The following PTK2 variants were observed in gnomAD, a reference collection of about 807,000 sequenced individuals.
PTK2 encodes the protein protein tyrosine kinase 2, also known as focal adhesion kinase 1.
A neutral mutation model predicts 150.1 loss-of-function variants in PTK2; 45 were observed. That is an observed-to-expected ratio of 0.30 (90% CI 0.24 to 0.38). PTK2 has a LOEUF of 0.38. Among genes scored for constraint, PTK2 ranks in the 10% least tolerant of loss-of-function variants. The pLI is 1.00. For missense variants in PTK2, 919 were observed against 1,307.3 expected (o/e 0.70, Z 4.58); for synonymous variants, 432 against 449.2 (o/e 0.96, Z 0.48).
chr8:140,891,362 T>C (rs1044737800), intron 2 of PTK2, among the ~76,000 whole-genome samples: 6 of 152,138 alleles, frequency 3.9e-5, no homozygotes, highest in African/African-American at 1.4e-4. Context: ...ATAAAGGACT[T>C]CTATTTGAGT....
intron 17 of PTK2, among the ~76,000 whole-genome samples, chr8:140,747,856 TATGTG>T (rs1415252263): frequency 6.6e-6 from 1 of 151,958 alleles, no homozygotes; most frequent in East Asian, 1.9e-4. Flanking sequence ...CCTATGGACA[TATGTG>T]ACCTTGGGGT....
chr8:140,671,253 G>A (rs1388191288), intron 29 of PTK2, among the ~76,000 whole-genome samples: 3 of 152,040 alleles, frequency 2.0e-5, no homozygotes, highest in South Asian at 2.1e-4. Context: ...GCAGAATCTC[G>A]CTCTGTCGCC....
chr8:140,878,866 G>C (rs2100147240), intron 4 of PTK2, among the ~76,000 whole-genome samples: 1 of 149,866 alleles, frequency 6.7e-6, no homozygotes, highest in Non-Finnish European at 1.5e-5. Context: ...AAAAAAATTA[G>C]TAGGGGAGAC....
intron 1 of PTK2, among the ~76,000 whole-genome samples, chr8:140,950,981 T>TA (rs1003327415): frequency 6.6e-6 from 1 of 151,964 alleles, no homozygotes; most frequent in Non-Finnish European, 1.5e-5. Context: ...AATATATATA[T>TA]TTTTTTAAGT....
At chr8:140,660,083 G>A (rs973129108) in intron 31 of PTK2, among the ~76,000 whole-genome samples, 5 of 151,752 alleles carry the variant, frequency 3.3e-5, no homozygotes, top group Non-Finnish European at 4.4e-5. Flanking sequence ...TGTGCATGCC[G>A]ATTCACACAT....
At chr8:140,946,328 AAAAT>A (rs1343602513) in intron 1 of PTK2, among the ~76,000 whole-genome samples, 3 of 152,362 alleles carry the variant, frequency 2.0e-5, no homozygotes, top group East Asian at 1.9e-4. Flanking sequence ...TTTAAAAGTC[AAAAT>A]AATTAAAAAC....
intron 29 of PTK2, among the ~76,000 whole-genome samples, chr8:140,672,568 C>T (rs1190023997): frequency 6.6e-6 from 1 of 152,190 alleles, no homozygotes. Flanking sequence ...GGTACTTTCA[C>T]TATGGCCACA....
chr8:140,741,978 T>C (rs1481160469), intron 20 of PTK2, among the ~76,000 whole-genome samples: 1 of 150,802 alleles, frequency 6.6e-6, no homozygotes, highest in Non-Finnish European at 1.5e-5. Flanking sequence ...ACTCCATCTC[T>C]ACAAAAAATT....
chr8:140,927,671 T>C (rs1028483448), intron 1 of PTK2, among the ~76,000 whole-genome samples: 2 of 152,038 alleles, frequency 1.3e-5, no homozygotes, highest in Non-Finnish European at 2.9e-5. Context: ...ATACTCTGTA[T>C]CAGGCCAGGC....
intron 23 of PTK2, among the ~76,000 whole-genome samples, chr8:140,709,334 T>C (rs551424180): frequency 6.6e-6 from 1 of 152,222 alleles, no homozygotes; most frequent in East Asian, 1.9e-4. Context: ...CATTTCAAAA[T>C]AAAAATAAAA....
intron 1 of PTK2, among the ~76,000 whole-genome samples, chr8:140,986,226 C>G (rs1033688509): frequency 6.6e-6 from 1 of 152,202 alleles, no homozygotes; most frequent in Non-Finnish European, 1.5e-5. Flanking sequence ...CTTCGCTTAA[C>G]TGTAATTAAT....
chr8:140,901,169 T>C (rs959312145), intron 2 of PTK2, among the ~76,000 whole-genome samples: 10 of 152,144 alleles, frequency 6.6e-5, no homozygotes, highest in African/African-American at 2.4e-4. Flanking sequence ...GAAATGATAG[T>C]TCCTTTAATA....
chr8:140,784,151 T>TG (rs1379719371), intron 14 of PTK2, among the ~76,000 whole-genome samples: 1 of 151,912 alleles, frequency 6.6e-6, no homozygotes, highest in African/African-American at 2.4e-5. Flanking sequence ...GGTGACAAAG[T>TG]GGGGGGAAAA....
intron 2 of PTK2, among the ~76,000 whole-genome samples, chr8:140,921,588 G>A (rs2100167477): frequency 6.6e-6 from 1 of 152,082 alleles, no homozygotes; most frequent in Non-Finnish European, 1.5e-5. Context: ...TATTTTTGCT[G>A]TAAAATATTT....
At chr8:140,860,230 C>G (rs577151044) in intron 5 of PTK2, among the ~76,000 whole-genome samples, 44 of 152,196 alleles carry the variant, frequency 2.9e-4, no homozygotes, top group African/African-American at 9.9e-4. Context: ...TAATTTCTTT[C>G]TTGTTACTGT....
At chr8:140,923,587 G>T (rs1054834234) in intron 2 of PTK2, among the ~76,000 whole-genome samples, 1 of 152,160 alleles carries the variant, frequency 6.6e-6, no homozygotes, top group Non-Finnish European at 1.5e-5. Context: ...ATCTTGAAAA[G>T]AACAGAAACA....
intron 2 of PTK2, among the ~76,000 whole-genome samples, chr8:140,911,975 A>G (rs1030280630): frequency 1.3e-5 from 2 of 152,202 alleles, no homozygotes; most frequent in Non-Finnish European, 2.9e-5. Context: ...ACTCATGCCT[A>G]TAATACAAGC....
intron 2 of PTK2, among the ~76,000 whole-genome samples, chr8:140,912,614 AG>A (rs2100163647): frequency 6.6e-6 from 1 of 152,152 alleles, no homozygotes; most frequent in African/African-American, 2.4e-5. Flanking sequence ...AATAAAAAAA[AG>A]AAAAAAAACC....
intron 7 of PTK2, among the ~76,000 whole-genome samples, chr8:140,834,021 G>C: frequency 6.6e-6 from 1 of 152,198 alleles, no homozygotes; most frequent in East Asian, 1.9e-4. Flanking sequence ...TAAAAATTCT[G>C]TTCCCAACTG....
Sources: gnomAD v4.1 joint callset for allele counts (sites outside exome capture counted in the v4.1 genomes callset) on GRCh38, gnomAD v4.1.1 for gene constraint, MANE v1.5 for transcripts, NCBI Gene and HGNC (gene_info 2026-07-23, HGNC 2026-07-21) for gene names.